C4orf50: variants seen among roughly 807,000 people sequenced by gnomAD.
C4orf50 encodes uncharacterized protein C4orf50.
In C4orf50, 80 loss-of-function variants were observed where a neutral mutation model predicts 77.2. That is an observed-to-expected ratio of 1.04 (90% CI 0.87 to 1.25). The LOEUF (loss-of-function observed/expected upper bound fraction) is 1.25. C4orf50 is among the 50% of genes most tolerant of loss of function. The pLI is 0.00. For synonymous variants in C4orf50, 532 were observed against 465.3 expected (o/e 1.14, Z -1.84); for missense variants, 1,257 against 1,152.9 (o/e 1.09, Z -1.31).
rs769315796 is a variant in C4orf50 at position 5,901,635 on chromosome 4, G to A, written c.*2475-3447C>T. 2 of 152,332 alleles carry A rather than the reference G, an allele frequency of 1.3e-5. No homozygotes were observed. Among genetic ancestry groups the A allele is most frequent in the African/African-American group, 2.4e-5 (1 of 41,560 alleles). 9.4% of individuals were successfully genotyped at this position (152,332 alleles called of 1,614,324 possible). A position where few individuals can be genotyped will look rare whatever the true frequency, so the allele number is the denominator to read the frequency against. On this transcript the variant is annotated intron_variant, in intron 7 of 7. Transcript: ENST00000324058. The surrounding 1 kb of genome is among the most constrained non-coding windows in gnomAD (Gnocchi z 4.4). ...TCAAAGCCTAAAGGTAAACTAAGAG[G>A]CAAGGCTCTCCGGGGCCCACACCTG...
rs148721841 is a variant in C4orf50 at position 5,971,416 on chromosome 4, G to A, written c.4104+2243C>T. Among the ~76,000 whole-genome samples, 315 of 152,230 alleles carry A rather than the reference G, an allele frequency of 2.1e-3. No individual in the cohort carries two copies. In the Middle Eastern group the frequency reaches 0.027, roughly 13 times the overall value. ...GCCTCCCATCAGCCCAGCCTCCCCC[G>A]ACTCCTCCCCTGGGGACCACACTGC... On this transcript the variant is annotated intron_variant, in intron 31 of 33. Coordinates refer to ENST00000531445, the Ensembl canonical transcript of C4orf50.
intron 7 of C4orf50, among the ~76,000 whole-genome samples, chr4:5,907,062 T>A (rs1716580118): frequency 6.6e-6 from 1 of 152,206 alleles, no homozygotes; most frequent in African/African-American, 2.4e-5. Context: ...GGGGGACTCT[T>A]ATGTGTTAAG....
rs997331977 is a variant in C4orf50 at position 5,912,665 on chromosome 4, C to T, written c.*2475-14477G>A. Among the ~76,000 whole-genome samples, 7 of 152,136 alleles carry T rather than the reference C, an allele frequency of 4.6e-5. No individual in the cohort carries two copies. In the East Asian group the frequency reaches 9.6e-4, roughly 21 times the overall value. On this transcript the variant is annotated intron_variant, in intron 7 of 7. Transcript: ENST00000324058. ...ACTCACAGTTCCCTAGAGGAAGGGG[C>T]ATGCCACACCATGCAAGGCCACAGA...
Position 5,908,007 on chromosome 4 carries a change from T to C in C4orf50, c.*2475-9819A>G, listed in dbSNP as rs1205853006. On this transcript the variant is annotated intron_variant, in intron 7 of 7. Transcript: ENST00000324058. This position sits in a 1 kb window ranked among gnomAD's most constrained non-coding sequence, Gnocchi z 5.6. ...ATTTCAGTTGAAGGTAAAGAAGGAC[T>C]TTTTAACAAAAAGAGCTGACCATTC... Among the ~76,000 whole-genome samples, 1 of 152,064 alleles carries C rather than the reference T, an allele frequency of 6.6e-6. No homozygotes were observed. The highest frequency in any genetic ancestry group is 1.5e-5 in the Non-Finnish European group (1 of 68,008).
In C4orf50 at chr4:5,901,806, G is replaced by A. The variant is rs141602942; in HGVS notation, c.*2475-3618C>T. On this transcript the variant is annotated intron_variant, in intron 7 of 7. Transcript: ENST00000324058. The surrounding 1 kb of genome is among the most constrained non-coding windows in gnomAD (Gnocchi z 4.4). ...ATCACCATGCTGTCTAAAGGTCTGG[G>A]GCCCAAGACAGGTATATTCTCTGGT... 1.2e-3 allele frequency: 188 copies of A among 152,306 alleles called. No homozygotes were observed. Among genetic ancestry groups the A allele is most frequent in the African/African-American group, 4.3e-3 (180 of 41,558 alleles). The allele number at this position is 152,306 out of a possible 1,614,324, so 9.4% of individuals were successfully genotyped here. A position where few individuals can be genotyped will look rare whatever the true frequency, so the allele number is the denominator to read the frequency against.
intron 7 of C4orf50, among the ~76,000 whole-genome samples, chr4:5,912,219 C>T (rs992326644): frequency 6.6e-6 from 1 of 151,246 alleles, no homozygotes; most frequent in Non-Finnish European, 1.5e-5. Flanking sequence ...TCTCAAAAGG[C>T]ATGCAGGAAG....
intron 7 of C4orf50, among the ~76,000 whole-genome samples, chr4:5,945,806 GC>G (rs1718455733): frequency 6.6e-6 from 1 of 152,194 alleles, no homozygotes; most frequent in South Asian, 2.1e-4. Context: ...CGGGGCATCT[GC>G]CCTCTGTGTT....
At chr4:6,003,543 G>A (rs1407904402) in intron 25 of C4orf50, among the ~76,000 whole-genome samples, 1 of 152,084 alleles carries the variant, frequency 6.6e-6, no homozygotes, top group African/African-American at 2.4e-5. Flanking sequence ...TGATGGTGAT[G>A]GTGACTGTGA....
chr4:5,944,987 C>T (rs929296786), intron 7 of C4orf50, among the ~76,000 whole-genome samples: 1 of 152,156 alleles, frequency 6.6e-6, no homozygotes, highest in Non-Finnish European at 1.5e-5. Context: ...ACACCTGCTC[C>T]AGGTCTTGTA....
intron 7 of C4orf50, among the ~76,000 whole-genome samples, chr4:5,922,915 C>A (rs371346880): frequency 1.3e-5 from 2 of 152,198 alleles, no homozygotes; most frequent in African/African-American, 4.8e-5. Context: ...GGAGCCTAGA[C>A]CTTCACCTCA....
At chr4:5,914,897 C>G (rs1008701619) in intron 7 of C4orf50, among the ~76,000 whole-genome samples, 5 of 152,224 alleles carry the variant, frequency 3.3e-5, no homozygotes, top group African/African-American at 1.2e-4. Flanking sequence ...AAGGTGCCAT[C>G]TCATAGTCTA....
intron 7 of C4orf50, among the ~76,000 whole-genome samples, chr4:5,918,936 C>T (rs1162242480): frequency 6.6e-6 from 1 of 152,142 alleles, no homozygotes; most frequent in Non-Finnish European, 1.5e-5. Flanking sequence ...CCAGGTGGTT[C>T]TAACGTGCAA....
Position 6,001,504 on chromosome 4 carries a change from C to G in C4orf50, c.963+6492G>C, listed in dbSNP as rs377576160. Among the ~76,000 whole-genome samples the G allele has an allele frequency of 2.6e-5, 4 of 152,282 alleles. No homozygotes were observed. In the East Asian group the frequency reaches 7.7e-4, roughly 29 times the overall value. On this transcript the variant is annotated intron_variant, in intron 25 of 33. Transcript: ENST00000531445. ...ACCAGGGAGACAATTACCGCTATTTCTCATCCAGTAGAAATCCACAGGGGA... is the reference window on the plus strand; with the variant it reads ...ACCAGGGAGACAATTACCGCTATTTGTCATCCAGTAGAAATCCACAGGGGA...
chr4:5,966,036 C>T (rs751390839), intron 32 of C4orf50, among the ~76,000 whole-genome samples: 3 of 152,222 alleles, frequency 2.0e-5, no homozygotes, highest in African/African-American at 4.8e-5. Context: ...AGCCCCATCC[C>T]GCCCCCACGC....
chr4:5,912,979 G>A (rs1039160030), intron 7 of C4orf50, among the ~76,000 whole-genome samples: 6 of 152,224 alleles, frequency 3.9e-5, no homozygotes, highest in Non-Finnish European at 7.3e-5. Flanking sequence ...TATGAAAGGC[G>A]TGCTCACAGG....
At chr4:6,003,931 ATGATGG>A (rs1213636217) in intron 25 of C4orf50, among the ~76,000 whole-genome samples, 509 of 4,828 alleles carry the variant, frequency 0.11, 7 homozygotes, top group South Asian at 0.29. Context: ...GGTGATGGTG[ATGATGG>A]TGATGGTGAT....
intron 23 of C4orf50, among the ~76,000 whole-genome samples, chr4:6,012,801 C>CT (rs1722541766): frequency 6.6e-6 from 1 of 152,234 alleles, no homozygotes; most frequent in Admixed American, 6.5e-5. Flanking sequence ...AGAGGAGGCA[C>CT]TGCAAAGACT....
At chr4:5,912,256 CGT>C (rs58017259) in intron 7 of C4orf50, among the ~76,000 whole-genome samples, 23,363 of 146,206 alleles carry the variant, frequency 0.16, 1,878 homozygotes, top group African/African-American at 0.2. Flanking sequence ...GCACTCCACT[CGT>C]GTGTGTGTGT....
intron 7 of C4orf50, among the ~76,000 whole-genome samples, chr4:5,939,909 C>T (rs373393330): frequency 3.9e-5 from 6 of 152,190 alleles, no homozygotes; most frequent in Admixed American, 6.5e-5. Context: ...GCCAGTCTAC[C>T]GACAACATGC....
Sources: gnomAD v4.1 joint callset for allele counts (sites outside exome capture counted in the v4.1 genomes callset) on GRCh38, gnomAD v4.1.1 for gene constraint, Gnocchi (gnomAD v3.1) non-coding constraint, MANE v1.5 for transcripts, NCBI Gene and HGNC (gene_info 2026-07-23, HGNC 2026-07-21) for gene names.